SMARCA2: variants seen among roughly 807,000 people sequenced by gnomAD.
SMARCA2 encodes SWI/SNF related BAF chromatin remodeling complex subunit ATPase 2.
Under a neutral mutation model 199.8 loss-of-function variants are expected in SMARCA2, and 61 were observed. The observed-to-expected ratio is 0.31, with a 90% CI of 0.25 to 0.38. The LOEUF (loss-of-function observed/expected upper bound fraction) is 0.38. SMARCA2 is among the 10% of genes least tolerant of loss of function. SMARCA2 has a pLI of 1.00. For missense variants in SMARCA2, 1,344 were observed against 2,012.2 expected, an observed-to-expected ratio of 0.67 and a Z score of 6.35; for synonymous variants, 935 against 732.0, an observed-to-expected ratio of 1.28 and a Z score of -4.48.
At chr9:2,095,088 A>ATT (rs773120638) in intron 19 of SMARCA2, among the ~76,000 whole-genome samples, 23 of 144,926 alleles carry the variant, frequency 1.6e-4, no homozygotes, top group Non-Finnish European at 1.8e-4. Context: ...AAAAATTAGA[A>ATT]TTTTTTTTTT....
chr9:2,087,590 A>G (rs971438538), intron 18 of SMARCA2, among the ~76,000 whole-genome samples: 6 of 151,930 alleles, frequency 3.9e-5, no homozygotes, highest in South Asian at 2.1e-4. Context: ...TTTTGTGTGT[A>G]CATAAATAGT....
chr9:2,111,493 A>G (rs1237787006), intron 24 of SMARCA2, among the ~76,000 whole-genome samples: 1 of 103,954 alleles, frequency 9.6e-6, no homozygotes, highest in Non-Finnish European at 1.7e-5. Flanking sequence ...CCGTGTCTCA[A>G]AAAAAAAAAA....
intron 25 of SMARCA2, among the ~76,000 whole-genome samples, chr9:2,118,503 T>C (rs1040305902): frequency 1.3e-5 from 2 of 152,198 alleles, no homozygotes; most frequent in African/African-American, 4.8e-5. Flanking sequence ...ATACAGTTTG[T>C]GAAATTGGAT....
intron 13 of SMARCA2, among the ~76,000 whole-genome samples, chr9:2,076,545 T>G (rs935464457): frequency 1.3e-5 from 2 of 151,746 alleles, no homozygotes; most frequent in African/African-American, 4.8e-5. Context: ...CTTCCCTTTC[T>G]TCCCTTTCTT....
chr9:2,029,344 A>C, intron 2 of SMARCA2, 97 bp downstream of exon 2: 1 of 1,486,388 alleles, frequency 6.7e-7, no homozygotes. Context: ...GTTAACAAGA[A>C]AATCATGCAA....
Position 2,101,553 on chromosome 9 carries a change from A to ATC in SMARCA2, c.3079-9_3079-8dup. ...TACATTTTTTAAAATCATTCTTTCT[A>ATC]TCTCTCTCTTTTAAAGGAATCCTTT... On this transcript the variant is annotated splice_polypyrimidine_tract_variant and intron_variant, in intron 21 of 33. Coordinates refer to ENST00000349721, the MANE Select transcript of SMARCA2 (RefSeq NM_003070.5). The ATC allele has an allele frequency of 7.2e-7, 1 of 1,394,398 alleles. No individual in the cohort carries two copies. Among genetic ancestry groups the ATC allele is most frequent in the Non-Finnish European group, 1.0e-6 (1 of 1,004,938 alleles). The allele number at this position is 1,394,398 out of a possible 1,614,324, so 86.4% of individuals were successfully genotyped here. A position where few individuals can be genotyped will look rare whatever the true frequency, so the allele number is the denominator to read the frequency against.
intron 21 of SMARCA2, 131 bp downstream of exon 21, chr9:2,097,602 T>C (rs1443118735): frequency 1.7e-6 from 1 of 590,986 alleles, no homozygotes; most frequent in Non-Finnish European, 3.0e-6. Context: ...TGAGATGACA[T>C]GATCTGATAG....
In SMARCA2 at chr9:2,190,534, G is replaced by A. The variant is rs531751896; in HGVS notation, c.4595-732G>A. ...TGGACATGTATAAAGATCCCTTTGG[G>A]ATAACTACATAAAGAATTCAAGTAT... On this transcript the variant is annotated intron_variant, in intron 32 of 33. Coordinates refer to ENST00000349721, the MANE Select transcript of SMARCA2 (RefSeq NM_003070.5). Among the ~76,000 whole-genome samples the A allele has an allele frequency of 3.3e-5, 5 of 152,272 alleles. No homozygotes were observed. In the South Asian group the frequency reaches 1.0e-3, roughly 32 times the overall value.
At chr9:2,089,397 T>A (rs1054968691) in intron 19 of SMARCA2, among the ~76,000 whole-genome samples, 1 of 151,984 alleles carries the variant, frequency 6.6e-6, no homozygotes, top group African/African-American at 2.4e-5. Context: ...TTGATTTGAG[T>A]TTTTTCTTTA....
chr9:2,082,976 T>C (rs1362000176), intron 15 of SMARCA2, among the ~76,000 whole-genome samples: 1 of 152,242 alleles, frequency 6.6e-6, no homozygotes, highest in Non-Finnish European at 1.5e-5. Context: ...TGTGGTTTTA[T>C]AATTTCTTTT....
At chr9:2,061,194 T>C (rs1441813686) in intron 9 of SMARCA2, among the ~76,000 whole-genome samples, 1 of 152,186 alleles carries the variant, frequency 6.6e-6, no homozygotes, top group Non-Finnish European at 1.5e-5. Flanking sequence ...TAATGGGATA[T>C]ACTAAACTAA....
At chr9:2,105,233 A>ATTTTTTTTTT (rs550498507) in intron 23 of SMARCA2, among the ~76,000 whole-genome samples, 1 of 147,190 alleles carries the variant, frequency 6.8e-6, no homozygotes, top group African/African-American at 2.5e-5. Flanking sequence ...GACAAACTTG[A>ATTTTTTTTTT]TTTTTTTTTT....
At chr9:2,190,527 C>A (rs1404031859) in intron 32 of SMARCA2, among the ~76,000 whole-genome samples, 1 of 151,988 alleles carries the variant, frequency 6.6e-6, no homozygotes, top group African/African-American at 2.4e-5. Flanking sequence ...TATAAAGATC[C>A]CTTTGGGATA....
At chr9:2,065,295 C>T (rs1352194894) in intron 9 of SMARCA2, among the ~76,000 whole-genome samples, 1 of 152,170 alleles carries the variant, frequency 6.6e-6, no homozygotes, top group Non-Finnish European at 1.5e-5. Context: ...TGTATACCAG[C>T]AGAACTATTC....
At chr9:2,176,230 T>C (rs1218660643) in intron 29 of SMARCA2, among the ~76,000 whole-genome samples, 4 of 149,544 alleles carry the variant, frequency 2.7e-5, no homozygotes, top group African/African-American at 1.0e-4. Context: ...CATTTTTTTC[T>C]TTAAAATACA....
Position 2,051,103 on chromosome 9 carries a change from G to C in SMARCA2, c.1047-3494G>C, listed in dbSNP as rs548719755. 2.0e-5 allele frequency among the ~76,000 whole-genome samples: 3 copies of C among 152,122 alleles called. No individual in the cohort carries two copies. The South Asian group carries it at 6.2e-4, about 32-fold the overall frequency. ...TGGGGAGATGAAATTGTCTGGAGAG[G>C]AACATTATTTAAAATGAAGATTTCT... On this transcript the variant is annotated intron_variant, in intron 5 of 33. Coordinates refer to ENST00000349721, the MANE Select transcript of SMARCA2 (RefSeq NM_003070.5).
At position 2,192,998 on chromosome 9, in the gene SMARCA2, A is replaced by G; in HGVS notation, c.*259A>G. ...AACAAACAAAAAGCTTTTGATGGAAAATATGTGGGTGGATAGTATATTTCT... is the reference window on the plus strand; with the variant it reads ...AACAAACAAAAAGCTTTTGATGGAAGATATGTGGGTGGATAGTATATTTCT... On this transcript the variant is annotated 3_prime_UTR_variant, in exon 34 of 34. Coordinates refer to ENST00000349721, the MANE Select transcript of SMARCA2 (RefSeq NM_003070.5). The G allele has an allele frequency of 2.2e-6, 1 of 453,390 alleles. No individual in the cohort carries two copies. Among genetic ancestry groups the G allele is most frequent in the South Asian group, 3.6e-5 (1 of 27,442 alleles). The allele number at this position is 453,390 out of a possible 1,614,324, so 28.1% of individuals were successfully genotyped here. A position where few individuals can be genotyped will look rare whatever the true frequency, so the allele number is the denominator to read the frequency against.
At chr9:2,183,092 C>G (rs910924036) in intron 31 of SMARCA2, among the ~76,000 whole-genome samples, 13 of 152,142 alleles carry the variant, frequency 8.5e-5, no homozygotes, top group African/African-American at 3.1e-4. Context: ...TGCCAGGCCT[C>G]AAAGCTTATA....
intron 27 of SMARCA2, among the ~76,000 whole-genome samples, chr9:2,132,583 C>T (rs904196405): frequency 6.6e-6 from 1 of 152,068 alleles, no homozygotes; most frequent in Non-Finnish European, 1.5e-5. Flanking sequence ...AAACATGGAC[C>T]CTTTTTTCTT....
Sources: gnomAD v4.1 joint callset for allele counts (sites outside exome capture counted in the v4.1 genomes callset) on GRCh38, gnomAD v4.1.1 for gene constraint, MANE v1.5 for transcripts, NCBI Gene and HGNC (gene_info 2026-07-23, HGNC 2026-07-21) for gene names.